SERINC5: variants seen among roughly 807,000 people sequenced by gnomAD.
SERINC5 encodes the protein serine incorporator 5, also known as chromosome 5 open reading frame 12.
SERINC5 carries 41 observed loss-of-function variants against 63.1 expected under a neutral mutation model. The ratio of observed to expected loss-of-function variants is 0.65; its 90% CI spans 0.51 to 0.84. The LOEUF (loss-of-function observed/expected upper bound fraction) is 0.84. SERINC5 is among the 40% of genes least tolerant of loss of function. SERINC5 has a pLI of 0.00. For synonymous variants in SERINC5, 222 were observed against 215.2 expected, an observed-to-expected ratio of 1.03 and a Z score of -0.28; for missense variants, 523 against 573.0, an observed-to-expected ratio of 0.91 and a Z score of 0.89.
chr5:80,136,939 G>A (rs555148444), downstream of SERINC5, among the ~76,000 whole-genome samples: 2 of 151,506 alleles, frequency 1.3e-5, no homozygotes, highest in Non-Finnish European at 2.9e-5. Flanking sequence ...AGTTCCAGAC[G>A]AGCCTGGCCA....
chr5:80,199,279 G>A (rs1426134196), intron 2 of SERINC5, among the ~76,000 whole-genome samples: 1 of 152,200 alleles, frequency 6.6e-6, no homozygotes, highest in Non-Finnish European at 1.5e-5. Flanking sequence ...CCTTGGGTGA[G>A]GTACTTAAAT....
intron 8 of SERINC5, among the ~76,000 whole-genome samples, chr5:80,155,572 C>CAAAAAA (rs758862000): frequency 2.6e-5 from 3 of 117,614 alleles, no homozygotes; most frequent in African/African-American, 3.7e-5. Flanking sequence ...AACTCCGTCT[C>CAAAAAA]AAAAAAAAAA....
At chr5:80,149,196 C>T (rs1746014001) in intron 9 of SERINC5, among the ~76,000 whole-genome samples, 1 of 152,190 alleles carries the variant, frequency 6.6e-6, no homozygotes, top group African/African-American at 2.4e-5. Flanking sequence ...GTTCTTTGAG[C>T]TTGAACTCTG....
intron 9 of SERINC5, 26 bp from the exon 10 acceptor site, chr5:80,147,310 G>A: frequency 6.2e-7 from 1 of 1,601,702 alleles, no homozygotes; most frequent in African/African-American, 1.3e-5. Context: ...CAACAGTCAG[G>A]CGGCTTGTGT....
chr5:80,225,369 C>T (rs2112549688), intron 1 of SERINC5, among the ~76,000 whole-genome samples: 3 of 152,310 alleles, frequency 2.0e-5, no homozygotes, highest in Admixed American at 2.0e-4. Context: ...TCAGGTGACT[C>T]CTAAGTCCAT....
intron 2 of SERINC5, among the ~76,000 whole-genome samples, chr5:80,192,195 T>TGA (rs1561412414): frequency 6.6e-6 from 1 of 152,196 alleles, no homozygotes; most frequent in African/African-American, 2.4e-5. Context: ...GAAGAATAGA[T>TGA]GAGGAGTTGT....
Position 80,190,309 on chromosome 5 carries a change from C to T in SERINC5, c.196-12245G>A, listed in dbSNP as rs142140157. 9.5e-3 allele frequency among the ~76,000 whole-genome samples: 1,434 copies of T among 151,370 alleles called. 30 individuals are homozygous for T. The highest frequency in any genetic ancestry group is 0.033 in the African/African-American group (1,374 of 41,234). On this transcript the variant is annotated intron_variant, in intron 2 of 11. Transcript: ENST00000507668. ...TGTATTTTTTGTAGAGACGGGGTTT[C>T]GTCATGTTGCCCAGGCTGGTCTCGA...
chr5:80,214,906 A>T (rs1158510288), intron 1 of SERINC5, among the ~76,000 whole-genome samples: 1 of 152,238 alleles, frequency 6.6e-6, no homozygotes, highest in Non-Finnish European at 1.5e-5. Flanking sequence ...TCAAAACAGT[A>T]GTTAAGATGG....
At chr5:80,118,213 T>A (rs967682717) in intron 11 of SERINC5, among the ~76,000 whole-genome samples, 41 of 151,238 alleles carry the variant, frequency 2.7e-4, no homozygotes, top group Admixed American at 1.4e-3. Flanking sequence ...AAAAAAAAAA[T>A]AATAATAATA....
At chr5:80,115,631 G>A (rs978492847) in intron 11 of SERINC5, among the ~76,000 whole-genome samples, 1 of 151,914 alleles carries the variant, frequency 6.6e-6, no homozygotes, top group African/African-American at 2.4e-5. Context: ...TTGAAGGAAG[G>A]AATCAATGAA....
intron 10 of SERINC5, 93 bp downstream of exon 10, chr5:80,147,152 A>C (rs1291541025): frequency 1.7e-6 from 2 of 1,146,852 alleles, no homozygotes; most frequent in Non-Finnish European, 2.5e-6. Context: ...CTTACTATTC[A>C]AGTTATTTGT....
intron 7 of SERINC5, among the ~76,000 whole-genome samples, chr5:80,165,605 G>C (rs1747243850): frequency 1.3e-5 from 2 of 152,136 alleles, no homozygotes; most frequent in Admixed American, 1.3e-4. Context: ...TAATCACTAT[G>C]TTCTGTTGTC....
intron 1 of SERINC5, among the ~76,000 whole-genome samples, chr5:80,226,393 C>T (rs932443621): frequency 1.3e-5 from 2 of 152,172 alleles, no homozygotes; most frequent in Non-Finnish European, 2.9e-5. Flanking sequence ...TGGGATAAAC[C>T]AAAATCCTGA....
intron 1 of SERINC5, among the ~76,000 whole-genome samples, chr5:80,229,876 A>G (rs1370600096): frequency 6.6e-6 from 1 of 152,230 alleles, no homozygotes; most frequent in Non-Finnish European, 1.5e-5. Flanking sequence ...TAGGATTATT[A>G]GGACTGAGAA....
At position 80,206,911 on chromosome 5, in the gene SERINC5, G is replaced by A. The variant is rs116605340; in HGVS notation, c.28-3858C>T. On this transcript the variant is annotated intron_variant, in intron 1 of 11. Coordinates refer to ENST00000507668, the MANE Select transcript of SERINC5 (RefSeq NM_001174072.3). ...TAATGCTCCTGCCTCAGCCTTAGCT[G>A]GGACTACAAGCACAGGACACCATGA... is the stretch of plus-strand genomic sequence containing the variant. 1.6e-3 allele frequency among the ~76,000 whole-genome samples: 239 copies of A among 150,028 alleles called. 2 individuals are homozygous for A. Among genetic ancestry groups the A allele is most frequent in the African/African-American group, 5.6e-3 (230 of 40,718 alleles).
chr5:80,195,383 A>T (rs115721018), intron 2 of SERINC5, among the ~76,000 whole-genome samples: 6,444 of 152,262 alleles, frequency 0.042, 466 homozygotes, highest in African/African-American at 0.15. Flanking sequence ...AAATTTATAC[A>T]AATTTTAAAA....
intron 11 of SERINC5, among the ~76,000 whole-genome samples, chr5:80,125,013 T>C (rs1280372494): frequency 6.6e-6 from 1 of 152,220 alleles, no homozygotes; most frequent in East Asian, 1.9e-4. Flanking sequence ...CCATTCCTGA[T>C]GGCACAGTGA....
intron 7 of SERINC5, among the ~76,000 whole-genome samples, chr5:80,160,308 A>T (rs1746800824): frequency 6.6e-6 from 1 of 152,228 alleles, no homozygotes; most frequent in Admixed American, 6.5e-5. Context: ...TCTAAACACT[A>T]CGTAACAAAG....
chr5:80,175,211 G>C (rs1332712573), intron 4 of SERINC5, among the ~76,000 whole-genome samples, 164 bp from the exon 5 acceptor site: 1 of 152,104 alleles, frequency 6.6e-6, no homozygotes, highest in Admixed American at 6.6e-5. Context: ...TCACTTTACA[G>C]AAGAGAAAAA....
Sources: allele counts gnomAD v4.1 joint callset (sites outside exome capture counted in the v4.1 genomes callset), GRCh38; gene constraint gnomAD v4.1.1; transcripts MANE v1.5; gene names NCBI Gene and HGNC (gene_info 2026-07-23, HGNC 2026-07-21).